The following ASIC2 variants were observed in gnomAD, a reference collection of about 807,000 sequenced individuals.
The protein encoded by ASIC2 is acid-sensing ion channel 2.
In ASIC2, 25 loss-of-function variants were observed where a neutral mutation model predicts 57.3. The observed-to-expected ratio is 0.44, with a 90% confidence interval of 0.32 to 0.61. ASIC2 has a LOEUF of 0.61. ASIC2 is among the 20% of genes least tolerant of loss of function. ASIC2 has a pLI of 0.06. For missense variants in ASIC2, 641 were observed against 738.1 expected (o/e 0.87, Z 1.52); for synonymous variants, 319 against 307.5 (o/e 1.04, Z -0.39).
intron 1 of ASIC2, among the ~76,000 whole-genome samples, chr17:33,835,888 T>C (rs1597896234): frequency 6.6e-6 from 1 of 151,460 alleles, no homozygotes; most frequent in Non-Finnish European, 1.5e-5. Flanking sequence ...GCTCAAGTGA[T>C]CCACCTGCCT....
intron 1 of ASIC2, among the ~76,000 whole-genome samples, chr17:34,043,059 A>G (rs542273280): frequency 6.6e-6 from 1 of 152,334 alleles, no homozygotes; most frequent in African/African-American, 2.4e-5. Context: ...GCATGATTTT[A>G]CATGCAGAAG....
intron 1 of ASIC2, among the ~76,000 whole-genome samples, chr17:34,149,930 C>T (rs1567616795): frequency 2.0e-5 from 3 of 152,184 alleles, no homozygotes; most frequent in African/African-American, 7.2e-5. Flanking sequence ...CAAAGAGATT[C>T]TGCCCTCCCA....
chr17:33,072,271 G>T (rs780260620), intron 3 of ASIC2, among the ~76,000 whole-genome samples: 5 of 152,082 alleles, frequency 3.3e-5, no homozygotes, highest in Non-Finnish European at 5.9e-5. Flanking sequence ...ATCCCTTGTT[G>T]CCTAATATTC....
chr17:33,174,314 A>G (rs1350329089), intron 1 of ASIC2, among the ~76,000 whole-genome samples: 2 of 151,692 alleles, frequency 1.3e-5, no homozygotes, highest in Non-Finnish European at 2.9e-5. Flanking sequence ...CCAGCTACTC[A>G]GGAGGCTGAA....
In ASIC2 at chr17:33,649,094, C is replaced by T. The variant is rs549263937; in HGVS notation, c.555+506884G>A. 2.3e-4 allele frequency among the ~76,000 whole-genome samples: 35 copies of T among 152,270 alleles called. No homozygotes were observed. The South Asian group carries it at 3.7e-3, about 16-fold the overall frequency. ...GCCAGAAAAGAAAATAAAAGGCATA[C>T]ATGTCAGAAAGGAAGAAATTAAACT... On this transcript the variant is annotated intron_variant, in intron 1 of 9. Coordinates refer to the ASIC2 transcript ENST00000359872.
At chr17:34,092,741 C>A (rs2142089433) in intron 1 of ASIC2, among the ~76,000 whole-genome samples, 1 of 152,308 alleles carries the variant, frequency 6.6e-6, no homozygotes, top group Non-Finnish European at 1.5e-5. Context: ...AGCCATCCAC[C>A]TACCACCCAG....
chr17:34,119,608 C>CAG (rs1911537583), intron 1 of ASIC2, among the ~76,000 whole-genome samples: 1 of 99,026 alleles, frequency 1.0e-5, no homozygotes, highest in Non-Finnish European at 1.9e-5. Context: ...CCTTTCTCTA[C>CAG]ACAGACACAC....
chr17:33,257,242 C>T (rs1438388989), intron 1 of ASIC2, among the ~76,000 whole-genome samples: 1 of 152,190 alleles, frequency 6.6e-6, no homozygotes, highest in Non-Finnish European at 1.5e-5. Flanking sequence ...GTGAGGAGGC[C>T]TCACTGACCA....
intron 1 of ASIC2, among the ~76,000 whole-genome samples, chr17:33,707,952 C>A (rs556869727): frequency 1.3e-5 from 2 of 152,252 alleles, no homozygotes; most frequent in African/African-American, 4.8e-5. Context: ...GACTTCTATT[C>A]CTAATTCCCA....
intron 1 of ASIC2, among the ~76,000 whole-genome samples, chr17:33,419,571 G>A (rs1910974978): frequency 6.6e-6 from 1 of 152,160 alleles, no homozygotes; most frequent in Non-Finnish European, 1.5e-5. Context: ...TATGTGTTTG[G>A]CAGAAAATAC....
At chr17:33,965,521 C>T (rs1905050802) in intron 1 of ASIC2, among the ~76,000 whole-genome samples, 1 of 152,200 alleles carries the variant, frequency 6.6e-6, no homozygotes, top group African/African-American at 2.4e-5. Flanking sequence ...GAAGTGGCAT[C>T]TTTTCAGGTT....
intron 1 of ASIC2, among the ~76,000 whole-genome samples, chr17:33,579,303 A>AAAT (rs386385945): frequency 6.7e-6 from 1 of 148,704 alleles, no homozygotes; most frequent in Non-Finnish European, 1.5e-5. Flanking sequence ...AAAAAAAAAA[A>AAAT]ATGCAGGTGG....
chr17:33,877,363 T>C (rs1432844886), intron 1 of ASIC2, among the ~76,000 whole-genome samples: 1 of 152,132 alleles, frequency 6.6e-6, no homozygotes. Context: ...GAATTCCCTT[T>C]CCTAGTCAAA....
intron 1 of ASIC2, chr17:34,155,602 C>A: frequency 4.3e-6 from 1 of 234,796 alleles, no homozygotes; most frequent in Non-Finnish European, 8.3e-6. Context: ...CACACACACA[C>A]AGAATGCCAC....
intron 1 of ASIC2, among the ~76,000 whole-genome samples, chr17:33,132,327 C>T (rs753487635): frequency 3.9e-5 from 6 of 152,142 alleles, no homozygotes; most frequent in Non-Finnish European, 7.3e-5. Flanking sequence ...CTGGTATTAC[C>T]CTCCATCTTA....
intron 1 of ASIC2, among the ~76,000 whole-genome samples, chr17:33,686,200 G>A (rs1162440054): frequency 6.6e-6 from 1 of 152,188 alleles, no homozygotes; most frequent in Non-Finnish European, 1.5e-5. Context: ...CCAGGCAGGG[G>A]TATGAAGGTG....
chr17:33,539,699 T>C (rs976096369), intron 1 of ASIC2, among the ~76,000 whole-genome samples: 3 of 152,322 alleles, frequency 2.0e-5, no homozygotes, highest in Admixed American at 2.0e-4. Context: ...CATAGGAAGC[T>C]CAGCTCAATC....
At chr17:33,659,828 C>T (rs185768634) in intron 1 of ASIC2, among the ~76,000 whole-genome samples, 6,476 of 150,894 alleles carry the variant, frequency 0.043, 184 homozygotes, top group South Asian at 0.13. Context: ...GCCGAGATCG[C>T]GCCACTGCAC....
At chr17:33,373,769 C>T (rs1909174364) in intron 1 of ASIC2, among the ~76,000 whole-genome samples, 2 of 152,132 alleles carry the variant, frequency 1.3e-5, no homozygotes, top group Non-Finnish European at 2.9e-5. Flanking sequence ...TCTCCGCCTC[C>T]TGGGTTCAAG....
Sources: allele counts gnomAD v4.1 joint callset (sites outside exome capture counted in the v4.1 genomes callset), GRCh38; gene constraint gnomAD v4.1.1; transcripts MANE v1.5; gene names NCBI Gene and HGNC (gene_info 2026-07-23, HGNC 2026-07-21).